The following CACNA2D3 variants were observed in gnomAD, a reference collection of about 807,000 sequenced individuals.
CACNA2D3 encodes the protein calcium voltage-gated channel auxiliary subunit alpha2delta 3, also known as voltage-dependent calcium channel subunit alpha-2/delta-3.
A neutral mutation model predicts 160.6 loss-of-function variants in CACNA2D3; 60 were observed. The ratio of observed to expected loss-of-function variants is 0.37; its 90% confidence interval spans 0.30 to 0.46. The LOEUF is 0.46. Ranked by LOEUF, CACNA2D3 falls within the 20% of genes least tolerant of loss-of-function variation. CACNA2D3 has a pLI of 1.00. For synonymous variants in CACNA2D3, 558 were observed against 492.9 expected (o/e 1.13, Z -1.75); for missense variants, 1,205 against 1,365.0 (o/e 0.88, Z 1.85).
Position 55,073,545 on chromosome 3 carries a change from A to T in CACNA2D3, c.3088A>T (p.Ile1030Phe). Reference sequence around the variant, plus strand: ...TGTGGCCCCCATCACCATGGCACCCATTGAAATCAGGTATATCCTTTTGTG... The same window carrying T: ...TGTGGCCCCCATCACCATGGCACCCTTTGAAATCAGGTATATCCTTTTGTG... ...ESVAPITMAP[I>F]EIRYNESLKC... Residue 1030 changes from isoleucine to phenylalanine, a missense_variant, in exon 36 of 38, where the codon ATT becomes TTT. By Grantham distance (21) the Ile-to-Phe change is conservative. Transcript: ENST00000474759. 6.2e-7 allele frequency: 1 copy of T among 1,613,456 alleles called. No homozygotes were observed. The highest frequency in any genetic ancestry group is 8.5e-7 in the Non-Finnish European group (1 of 1,179,416).
At chr3:54,998,718 G>GTT (rs763018641) in intron 31 of CACNA2D3, among the ~76,000 whole-genome samples, 2 of 45,544 alleles carry the variant, frequency 4.4e-5, no homozygotes, top group East Asian at 1.0e-3. Flanking sequence ...GTTGGTTTTT[G>GTT]TTTTGTTTTG....
chr3:54,684,401 C>G, intron 11 of CACNA2D3, among the ~76,000 whole-genome samples: 2 of 152,172 alleles, frequency 1.3e-5, no homozygotes, highest in East Asian at 3.9e-4. Flanking sequence ...AGGACCTCAA[C>G]ATATCTTTTT....
chr3:54,208,304 T>C (rs9845623), intron 2 of CACNA2D3, among the ~76,000 whole-genome samples: 64,752 of 151,950 alleles, frequency 0.43, 16,614 homozygotes, highest in East Asian at 0.76. Flanking sequence ...GATGAGGTTT[T>C]ACCATGTTGG....
chr3:54,363,945 A>G (rs1004093739), intron 3 of CACNA2D3, among the ~76,000 whole-genome samples: 1 of 152,192 alleles, frequency 6.6e-6, no homozygotes, highest in Admixed American at 6.5e-5. Context: ...GATATCCCAC[A>G]GAGACTGATG....
intron 2 of CACNA2D3, among the ~76,000 whole-genome samples, chr3:54,167,346 C>T (rs1006335525): frequency 1.3e-5 from 2 of 152,104 alleles, no homozygotes; most frequent in African/African-American, 4.8e-5. Context: ...GACCTGATAC[C>T]CTCCAACTCT....
chr3:55,039,384 C>T (rs534092656), intron 35 of CACNA2D3, among the ~76,000 whole-genome samples: 23 of 152,082 alleles, frequency 1.5e-4, no homozygotes, highest in Non-Finnish European at 2.8e-4. Flanking sequence ...CTCTTTTTGA[C>T]CTTTTAATGG....
At chr3:55,064,234 GTC>G (rs1356897756) in intron 35 of CACNA2D3, among the ~76,000 whole-genome samples, 1 of 152,238 alleles carries the variant, frequency 6.6e-6, no homozygotes, top group African/African-American at 2.4e-5. Flanking sequence ...GGCACAGCCA[GTC>G]TACAAGGGAT....
At chr3:54,846,280 G>C (rs991981461) in intron 16 of CACNA2D3, 113 bp from the exon 17 acceptor site, 12 of 630,358 alleles carry the variant, frequency 1.9e-5, no homozygotes, top group Admixed American at 8.5e-5. Context: ...TGCTGATAAG[G>C]GTTATGAATG....
intron 18 of CACNA2D3, among the ~76,000 whole-genome samples, chr3:54,874,057 T>G (rs890423935): frequency 1.3e-5 from 2 of 152,114 alleles, no homozygotes; most frequent in South Asian, 4.1e-4. Context: ...TGCAGAGAAT[T>G]TCTTGGAAGG....
At position 54,184,117 on chromosome 3, in the gene CACNA2D3, A is replaced by G. The variant is rs576334314; in HGVS notation, c.204+60523A>G. On this transcript the variant is annotated intron_variant, in intron 2 of 37. Transcript: ENST00000474759. Reference sequence around the variant, plus strand: ...TGAGCACAAGCACATGTTGTTTTCTATCTCTTTGAGTGCAGGAAATAAGTA... The same window carrying G: ...TGAGCACAAGCACATGTTGTTTTCTGTCTCTTTGAGTGCAGGAAATAAGTA... 5.3e-5 allele frequency among the ~76,000 whole-genome samples: 8 copies of G among 152,212 alleles called. No homozygotes were observed. The South Asian group carries it at 1.2e-3, about 24-fold the overall frequency.
At chr3:54,582,624 C>T (rs1201492007) in intron 9 of CACNA2D3, among the ~76,000 whole-genome samples, 2 of 152,218 alleles carry the variant, frequency 1.3e-5, no homozygotes, top group Non-Finnish European at 2.9e-5. Context: ...CTGGGACTCA[C>T]AGCTGCCATT....
At chr3:54,926,479 T>C (rs1224463496) in intron 27 of CACNA2D3, among the ~76,000 whole-genome samples, 1 of 149,536 alleles carries the variant, frequency 6.7e-6, no homozygotes, top group African/African-American at 2.5e-5. Context: ...AGAGTTCTTA[T>C]CTACTGTGCT....
intron 35 of CACNA2D3, among the ~76,000 whole-genome samples, chr3:55,070,726 A>G (rs1704785732): frequency 6.6e-6 from 1 of 152,190 alleles, no homozygotes; most frequent in African/African-American, 2.4e-5. Flanking sequence ...TCTGATGAAA[A>G]TGTCTAAGGT....
chr3:54,667,495 G>C (rs547288587), intron 11 of CACNA2D3, among the ~76,000 whole-genome samples: 1 of 152,272 alleles, frequency 6.6e-6, no homozygotes, highest in South Asian at 2.1e-4. Context: ...TGTTCCATCA[G>C]AGACAATATC....
intron 9 of CACNA2D3, among the ~76,000 whole-genome samples, chr3:54,617,976 G>A (rs1178730557): frequency 4.0e-5 from 6 of 148,358 alleles, no homozygotes; most frequent in Non-Finnish European, 8.9e-5. Flanking sequence ...AATTGTTGTT[G>A]TTTGTTTCTA....
intron 2 of CACNA2D3, among the ~76,000 whole-genome samples, chr3:54,255,861 T>C (rs1280203825): frequency 6.6e-6 from 1 of 152,132 alleles, no homozygotes; most frequent in Non-Finnish European, 1.5e-5. Context: ...ACACATTACT[T>C]CCAGAATTAA....
chr3:54,414,801 CTTTTTTT>C (rs34567327), intron 4 of CACNA2D3, among the ~76,000 whole-genome samples: 10 of 138,542 alleles, frequency 7.2e-5, no homozygotes, highest in Non-Finnish European at 1.4e-4. Context: ...ATTCTTTTAA[CTTTTTTT>C]TTTTTTTTTT....
intron 4 of CACNA2D3, among the ~76,000 whole-genome samples, chr3:54,442,086 G>A (rs987305135): frequency 1.3e-5 from 2 of 152,170 alleles, no homozygotes; most frequent in Non-Finnish European, 2.9e-5. Flanking sequence ...AAGGACTATA[G>A]ATGTGTACCA....
At chr3:54,820,313 C>T (rs1703561816) in intron 14 of CACNA2D3, among the ~76,000 whole-genome samples, 1 of 152,128 alleles carries the variant, frequency 6.6e-6, no homozygotes, top group Non-Finnish European at 1.5e-5. Context: ...TTGGGTGTCC[C>T]TCTTATGTGT....
Sources: allele counts gnomAD v4.1 joint callset (sites outside exome capture counted in the v4.1 genomes callset), GRCh38; gene constraint gnomAD v4.1.1; transcripts MANE v1.5; gene names NCBI Gene and HGNC (gene_info 2026-07-23, HGNC 2026-07-21).